PCDHA10: variants seen among roughly 807,000 people sequenced by gnomAD.
PCDHA10 encodes the protein protocadherin alpha 10.
A neutral mutation model predicts 61.2 loss-of-function variants in PCDHA10; 45 were observed. The observed-to-expected ratio is 0.74, with a 90% confidence interval of 0.58 to 0.94. PCDHA10 has a LOEUF of 0.94. PCDHA10 is among the 40% of genes least tolerant of loss of function. The probability of loss-of-function intolerance (pLI) is 0.00; values close to 1 mark genes in which losing one functional copy is unlikely to be tolerated. For synonymous variants in PCDHA10, 602 were observed against 548.8 expected (o/e 1.10, Z -1.35); for missense variants, 1,278 against 1,236.2 (o/e 1.03, Z -0.51).
chr5:140,934,349 T>C (rs1466597753), intron 1 of PCDHA10, among the ~76,000 whole-genome samples: 2 of 152,202 alleles, frequency 1.3e-5, no homozygotes, highest in African/African-American at 4.8e-5. Flanking sequence ...CAGTACAGTG[T>C]GGAGCCACTG....
At chr5:140,899,222 A>T (rs1377710696) in intron 1 of PCDHA10, among the ~76,000 whole-genome samples, 2 of 152,012 alleles carry the variant, frequency 1.3e-5, no homozygotes, top group Non-Finnish European at 2.9e-5. Context: ...AACTTCCAAC[A>T]CTATGTTGAA....
chr5:141,002,273 AC>A (rs748746747), intron 3 of PCDHA10, among the ~76,000 whole-genome samples: 69 of 152,308 alleles, frequency 4.5e-4, no homozygotes, highest in Non-Finnish European at 9.1e-4. Flanking sequence ...AGAGCTGGTA[AC>A]AAAGGGATGA....
At position 140,858,141 on chromosome 5, in the gene PCDHA10, T is replaced by C. The variant is rs1247420166; in HGVS notation, c.2093T>C (p.Leu698Pro). 4 of 1,597,496 alleles carry C rather than the reference T, an allele frequency of 2.5e-6. No individual in the cohort carries two copies. The African/African-American group carries it at 5.4e-5, about 21-fold the overall frequency. ...GCCCTGGTGGATGTCAACGTGTACC[T>C]GATCATCGCCATCTGCGCGGTGTCC... ...EVALVDVNVY[L>P]IIAICAVSSL... Residue 698 changes from leucine to proline, a missense_variant, in exon 1 of 4, where the codon CTG (leucine) becomes CCG (proline). Transcript: ENST00000307360.
At chr5:140,863,267 C>T in intron 1 of PCDHA10, 1 of 1,457,902 alleles carries the variant, frequency 6.9e-7, no homozygotes, top group Non-Finnish European at 9.3e-7. Flanking sequence ...CGGGAGGCAG[C>T]GCTGGTGGAT....
chr5:140,966,047 T>G (rs1463127286), intron 1 of PCDHA10, among the ~76,000 whole-genome samples: 1 of 152,214 alleles, frequency 6.6e-6, no homozygotes, highest in Admixed American at 6.5e-5. Flanking sequence ...CCATCGCCAG[T>G]AACCCCAGAG....
At chr5:140,967,547 A>G (rs1554229662) in intron 1 of PCDHA10, 1 of 1,613,890 alleles carries the variant, frequency 6.2e-7, no homozygotes, top group Non-Finnish European at 8.5e-7. Context: ...TGACCAGTCC[A>G]CTTATCGCGT....
chr5:140,881,456 T>C, intron 1 of PCDHA10: 1 of 690,256 alleles, frequency 1.4e-6, no homozygotes, highest in Non-Finnish European at 1.8e-6. Context: ...TCCAAAACCT[T>C]AGAGCATTGT....
chr5:140,875,921 C>G, intron 1 of PCDHA10: 1 of 1,614,228 alleles, frequency 6.2e-7, no homozygotes. Flanking sequence ...CCTCTGGACT[C>G]TCATTTTCCT....
At chr5:140,977,813 C>T (rs1347788650) in intron 1 of PCDHA10, among the ~76,000 whole-genome samples, 1 of 152,192 alleles carries the variant, frequency 6.6e-6, no homozygotes, top group Non-Finnish European at 1.5e-5. Flanking sequence ...GAATTATTGA[C>T]AGTTTTGAAT....
In PCDHA10 at chr5:140,876,415, G is replaced by C. The variant is rs782679956; in HGVS notation, c.2388+17979G>C. 3 of 1,613,842 alleles carry C rather than the reference G, an allele frequency of 1.9e-6. No individual in the cohort carries two copies. The African/African-American group carries it at 4.0e-5, about 22-fold the overall frequency. On this transcript the variant is annotated intron_variant, in intron 1 of 3. Transcript: ENST00000307360. ...TGAACTGGATTTTGAAGAGAATAATGCCTATGAAATTCAGGTTAACGCCAT... is the reference window on the plus strand; with the variant it reads ...TGAACTGGATTTTGAAGAGAATAATCCCTATGAAATTCAGGTTAACGCCAT...
intron 1 of PCDHA10, among the ~76,000 whole-genome samples, chr5:140,933,543 A>C (rs888580290): frequency 6.6e-6 from 1 of 152,092 alleles, no homozygotes; most frequent in Non-Finnish European, 1.5e-5. Flanking sequence ...AATAATGTTA[A>C]TATAAAATAA....
chr5:140,863,521 G>T, intron 1 of PCDHA10: 1 of 397,734 alleles, frequency 2.5e-6, no homozygotes, highest in Non-Finnish European at 4.9e-6. Context: ...GTTCTCCCAT[G>T]GTTCAGATTT....
chr5:141,007,174 G>T (rs926344346), intron 3 of PCDHA10, among the ~76,000 whole-genome samples: 9 of 152,118 alleles, frequency 5.9e-5, no homozygotes, highest in African/African-American at 2.2e-4. Context: ...AGAGAGAAAG[G>T]TCAGGAGAAT....
chr5:140,959,373 C>CA lies in PCDHA10; in HGVS notation c.2389-19566dup, dbSNP rs1243465116. Among the ~76,000 whole-genome samples the CA allele has an allele frequency of 8.3e-3, 1,208 of 145,190 alleles. 7 individuals carry two copies. Among genetic ancestry groups the CA allele is most frequent in the Admixed American group, 0.016 (228 of 14,544 alleles). ...GGGACAACTGAGTGAGACCCTGTCT[C>CA]AAAAAAAAAAGTCACAAATTAAGAT... On this transcript the variant is annotated intron_variant, in intron 1 of 3. Coordinates refer to ENST00000307360, the MANE Select transcript of PCDHA10 (RefSeq NM_018901.4).
In PCDHA10 at chr5:140,978,956, A is replaced by G; in HGVS notation, c.2396A>G (p.Gln799Arg). 3 of 1,614,194 alleles carry G rather than the reference A, an allele frequency of 1.9e-6. No individual in the cohort carries two copies. The highest frequency in any genetic ancestry group is 2.5e-6 in the Non-Finnish European group (3 of 1,180,026). ...CTCTTTGTGATTTTGCAGCCACGAC[A>G]GCCCAACCCTGACTGGCGTTACTCT... ...IGGDHSRKPR[Q>R]PNPDWRYSAS... Residue 799 changes from glutamine (Q) to arginine (R), a missense_variant, in exon 2 of 4, where the codon CAG becomes CGG. Transcript: ENST00000307360.
intron 1 of PCDHA10, among the ~76,000 whole-genome samples, chr5:140,893,642 T>C (rs1479834135): frequency 1.3e-5 from 2 of 152,230 alleles, no homozygotes; most frequent in African/African-American, 2.4e-5. Context: ...TATAGTATTT[T>C]TGGCTGATAG....
chr5:140,903,859 T>C (rs2070674942), intron 1 of PCDHA10, among the ~76,000 whole-genome samples: 1 of 152,186 alleles, frequency 6.6e-6, no homozygotes, highest in Non-Finnish European at 1.5e-5. Context: ...ACAAATAATA[T>C]AGAGTAAAAT....
intron 1 of PCDHA10, among the ~76,000 whole-genome samples, chr5:140,948,646 G>A (rs1030231985): frequency 3.3e-5 from 5 of 151,616 alleles, no homozygotes; most frequent in South Asian, 2.1e-4. Context: ...ATCTTTTAAC[G>A]TCTGTATAAT....
In PCDHA10 at chr5:140,928,021, T is replaced by G. The variant is rs1554205382; in HGVS notation, c.2389-50928T>G. ...CCTCGATTCTAATGGTAGGGTCATT[T>G]GTGGCATGTCTAGTGCAGGCCCTTT... On this transcript the variant is annotated intron_variant, in intron 1 of 3. Coordinates refer to ENST00000307360, the MANE Select transcript of PCDHA10 (RefSeq NM_018901.4). 3 of 1,614,220 alleles carry G rather than the reference T, an allele frequency of 1.9e-6. No individual in the cohort carries two copies. The African/African-American group carries it at 4.0e-5, about 22-fold the overall frequency.
Sources: allele counts gnomAD v4.1 joint callset (sites outside exome capture counted in the v4.1 genomes callset), GRCh38; gene constraint gnomAD v4.1.1; transcripts MANE v1.5; gene names NCBI Gene and HGNC (gene_info 2026-07-23, HGNC 2026-07-21).